PCDHGA1: variants seen among roughly 807,000 people sequenced by gnomAD.
PCDHGA1 encodes the protein protocadherin gamma subfamily A, 1, also known as protocadherin gamma-A1.
In PCDHGA1, 32 loss-of-function variants were observed where a neutral mutation model predicts 58.0. That is an observed-to-expected ratio of 0.55 (90% CI 0.42 to 0.74). The LOEUF is 0.74. PCDHGA1 is among the 30% of genes least tolerant of loss of function. PCDHGA1 has a pLI of 0.00. For synonymous variants in PCDHGA1, 498 were observed against 501.1 expected, an observed-to-expected ratio of 0.99 and a Z score of 0.08; for missense variants, 1,205 against 1,182.3, an observed-to-expected ratio of 1.02 and a Z score of -0.28.
In PCDHGA1 at chr5:141,340,236, T is replaced by C. The variant is rs780825680; in HGVS notation, c.2421+7131T>C. On this transcript the variant is annotated intron_variant, in intron 1 of 3. Coordinates refer to ENST00000517417, the MANE Select transcript of PCDHGA1 (RefSeq NM_018912.3). ...CAGTTTTCCTTTTACAACATCACTC[T>C]AACCGCTAAAGATGGAGGGAACCCC... 2.5e-6 allele frequency: 4 copies of C among 1,614,184 alleles called. No individual in the cohort carries two copies. The South Asian group carries it at 3.3e-5, about 13-fold the overall frequency.
chr5:141,416,990 A>C (rs912916110), intron 1 of PCDHGA1: 20 of 151,946 alleles, frequency 1.3e-4, no homozygotes, highest in African/African-American at 4.1e-4. Flanking sequence ...ATTATTGTGC[A>C]TTCATCTCAA....
At chr5:141,502,724 C>T (rs1288841230) in intron 2 of PCDHGA1, among the ~76,000 whole-genome samples, 2 of 152,134 alleles carry the variant, frequency 1.3e-5, no homozygotes, top group African/African-American at 4.8e-5. Context: ...GATTACAAAG[C>T]GGTGATGTTC....
chr5:141,501,326 CA>C (rs1562200763), intron 2 of PCDHGA1, among the ~76,000 whole-genome samples: 18 of 151,784 alleles, frequency 1.2e-4, no homozygotes, highest in African/African-American at 1.9e-4. Flanking sequence ...CACACACACA[CA>C]CACACACCCC....
chr5:141,423,753 G>A (rs758300730), intron 1 of PCDHGA1: 1 of 626,096 alleles, frequency 1.6e-6, no homozygotes, highest in Non-Finnish European at 2.0e-6. Context: ...AACTGTTTGG[G>A]GGGGGGGTGG....
At chr5:141,385,196 G>A (rs760255338) in intron 1 of PCDHGA1, 3 of 1,614,230 alleles carry the variant, frequency 1.9e-6, no homozygotes, top group Non-Finnish European at 2.5e-6. Context: ...TCTCGGAAGA[G>A]TCACCTGATC....
At chr5:141,448,359 CTTTA>C in intron 1 of PCDHGA1, among the ~76,000 whole-genome samples, 1 of 152,074 alleles carries the variant, frequency 6.6e-6, no homozygotes, top group East Asian at 1.9e-4. Context: ...TAGTAGTTTT[CTTTA>C]TTTTATTTTT....
chr5:141,375,542 G>GTC (rs767363908), intron 1 of PCDHGA1: 3 of 1,613,976 alleles, frequency 1.9e-6, no homozygotes, highest in Non-Finnish European at 2.5e-6. Flanking sequence ...GAACGCCCAA[G>GTC]TCTCCTACTC....
rs752071139 is a variant in PCDHGA1 at position 141,422,722 on chromosome 5, G to A, written c.2422-72085G>A. ...CTCTCTGACGGATGACACTGTCCAG[G>A]GGGTGCCTCTGTCCTCCTATGTCTC... On this transcript the variant is annotated intron_variant, in intron 1 of 3. Coordinates refer to ENST00000517417, the MANE Select transcript of PCDHGA1 (RefSeq NM_018912.3). The A allele has an allele frequency of 2.4e-5, 39 of 1,605,774 alleles. No homozygotes were observed. In the South Asian group the frequency reaches 4.0e-4, roughly 17 times the overall value.
chr5:141,440,451 A>G (rs2098179077), intron 1 of PCDHGA1: 1 of 152,230 alleles, frequency 6.6e-6, no homozygotes, highest in Non-Finnish European at 1.5e-5. Flanking sequence ...CATCTCAAAA[A>G]AAATGAACAA....
At chr5:141,441,325 T>C (rs961263461) in intron 1 of PCDHGA1, 1 of 152,192 alleles carries the variant, frequency 6.6e-6, no homozygotes, top group African/African-American at 2.4e-5. Flanking sequence ...AGAAAAATCT[T>C]CCTCCAATAA....
chr5:141,384,595 G>A, intron 1 of PCDHGA1: 1 of 1,614,198 alleles, frequency 6.2e-7, no homozygotes, highest in Non-Finnish European at 8.5e-7. Flanking sequence ...CCTGTACCCG[G>A]CCCTCCCCAC....
intron 1 of PCDHGA1, chr5:141,366,161 G>T (rs1242007246): frequency 6.2e-7 from 1 of 1,613,974 alleles, no homozygotes; most frequent in African/African-American, 1.3e-5. Flanking sequence ...CCTGCTTAAG[G>T]CCAGCGAGCC....
chr5:141,388,356 C>A (rs756910714), intron 1 of PCDHGA1: 2 of 1,613,944 alleles, frequency 1.2e-6, no homozygotes, highest in Non-Finnish European at 1.7e-6. Flanking sequence ...AGGATCTGCC[C>A]ATGATGCGGA....
intron 1 of PCDHGA1, chr5:141,390,142 G>A (rs2092062384): frequency 6.2e-6 from 10 of 1,614,022 alleles, no homozygotes; most frequent in Non-Finnish European, 8.5e-6. Flanking sequence ...TACAATCTAT[G>A]TGTTGCACAT....
At chr5:141,405,436 T>C (rs2094666141) in intron 1 of PCDHGA1, 1 of 1,458,154 alleles carries the variant, frequency 6.9e-7, no homozygotes. Flanking sequence ...TGTTTTGTTT[T>C]TGAGACAGAG....
Position 141,476,085 on chromosome 5 carries a change from G to C in PCDHGA1, c.2422-18722G>C, listed in dbSNP as rs1163057402. On this transcript the variant is annotated intron_variant, in intron 1 of 3. Coordinates refer to ENST00000517417, the MANE Select transcript of PCDHGA1 (RefSeq NM_018912.3). This position sits in a 1 kb window ranked among gnomAD's most constrained non-coding sequence, Gnocchi z 7.6. ...TCAGCGAAATCTCAGGGACGATCTG[G>C]ACCCCGCTGAGAGGAACTGCTTTTG... 1.3e-6 allele frequency: 2 copies of C among 1,551,682 alleles called. No individual in the cohort carries two copies. Among genetic ancestry groups the C allele is most frequent in the East Asian group, 2.3e-5 (1 of 44,392 alleles).
intron 1 of PCDHGA1, chr5:141,365,800 C>T: frequency 2.5e-6 from 4 of 1,613,914 alleles, no homozygotes; most frequent in South Asian, 2.2e-5. Flanking sequence ...TCACCTACTC[C>T]CTGGCTGAAG....
intron 1 of PCDHGA1, chr5:141,403,680 C>A: frequency 6.2e-7 from 1 of 1,613,846 alleles, no homozygotes; most frequent in Non-Finnish European, 8.5e-7. Context: ...CCGGTTTTTG[C>A]TCAACGGATT....
intron 1 of PCDHGA1, chr5:141,402,918 A>G: frequency 6.4e-7 from 1 of 1,570,054 alleles, no homozygotes; most frequent in Non-Finnish European, 8.6e-7. Context: ...GCGCGCACAG[A>G]GATCCTTTTG....
Sources: allele counts gnomAD v4.1 joint callset (sites outside exome capture counted in the v4.1 genomes callset), GRCh38; gene constraint gnomAD v4.1.1; non-coding constraint Gnocchi (gnomAD v3.1); transcripts MANE v1.5; gene names NCBI Gene and HGNC (gene_info 2026-07-23, HGNC 2026-07-21).